The following PPARGC1A variants were observed in gnomAD, a reference collection of about 807,000 sequenced individuals.
PPARGC1A encodes the protein PPARG coactivator 1 alpha.
PPARGC1A carries 25 observed loss-of-function variants against 88.7 expected under a neutral mutation model. That is an observed-to-expected ratio of 0.28 (90% CI 0.21 to 0.39). PPARGC1A has a LOEUF of 0.39. PPARGC1A is among the 10% of genes least tolerant of loss of function. The pLI is 1.00. For missense variants in PPARGC1A, 880 were observed against 968.7 expected (o/e 0.91, Z 1.22); for synonymous variants, 363 against 355.6 (o/e 1.02, Z -0.24).
chr4:24,186,796 C>T, the PPARGC1A span, among the ~76,000 whole-genome samples: 1 of 151,032 alleles, frequency 6.6e-6, no homozygotes, highest in African/African-American at 2.4e-5. Flanking sequence ...CAGGAGAGAA[C>T]AGCTACTTGC....
At chr4:24,200,814 G>C in the PPARGC1A span, among the ~76,000 whole-genome samples, 2 of 152,028 alleles carry the variant, frequency 1.3e-5, no homozygotes, top group Non-Finnish European at 2.9e-5. Flanking sequence ...AATGGCCCAA[G>C]GAATTTCCCT....
chr4:23,956,521 T>G, the PPARGC1A span, among the ~76,000 whole-genome samples: 1 of 152,044 alleles, frequency 6.6e-6, no homozygotes, highest in Non-Finnish European at 1.5e-5. Context: ...CTCCTCCCAT[T>G]CTTGTTTTTC....
chr4:24,306,641 A>C, the PPARGC1A span, among the ~76,000 whole-genome samples: 2 of 152,226 alleles, frequency 1.3e-5, no homozygotes, highest in African/African-American at 4.8e-5. Context: ...CAGCTACTCA[A>C]ATCTACATTG....
chr4:24,398,776 A>T, the PPARGC1A span, among the ~76,000 whole-genome samples: 2 of 152,170 alleles, frequency 1.3e-5, no homozygotes, highest in Non-Finnish European at 1.5e-5. Context: ...CCAGGGGTTA[A>T]TGTGCATTTC....
chr4:24,451,252 C>T, the PPARGC1A span, among the ~76,000 whole-genome samples: 114 of 152,186 alleles, frequency 7.5e-4, no homozygotes, highest in Non-Finnish European at 1.3e-3. Context: ...AGTTCACCAT[C>T]AAATAAGAAT....
At chr4:24,018,076 T>C in the PPARGC1A span, among the ~76,000 whole-genome samples, 2 of 152,122 alleles carry the variant, frequency 1.3e-5, no homozygotes, top group Admixed American at 6.5e-5. Context: ...AAATCTCCAT[T>C]TGTGAAAATA....
At chr4:24,296,954 G>A in the PPARGC1A span, among the ~76,000 whole-genome samples, 1 of 151,932 alleles carries the variant, frequency 6.6e-6, no homozygotes, top group East Asian at 1.9e-4. Flanking sequence ...GCAAATGGAC[G>A]ATGTGCAGAG....
chr4:24,173,851 C>T, the PPARGC1A span, among the ~76,000 whole-genome samples: 1 of 152,146 alleles, frequency 6.6e-6, no homozygotes, highest in East Asian at 1.9e-4. Context: ...CCCATCATTG[C>T]CACTACAGGG....
chr4:24,351,604 A>T, the PPARGC1A span, among the ~76,000 whole-genome samples: 2,029 of 152,262 alleles, frequency 0.013, 27 homozygotes, highest in Middle Eastern at 0.024. Context: ...TTACCAAAAA[A>T]ATTCACAAAA....
the PPARGC1A span, among the ~76,000 whole-genome samples, chr4:24,187,582 C>G: frequency 6.6e-6 from 1 of 152,184 alleles, no homozygotes; most frequent in African/African-American, 2.4e-5. Flanking sequence ...CAGTATCTCC[C>G]TCTAAGAAAG....
At chr4:24,280,301 A>C in the PPARGC1A span, among the ~76,000 whole-genome samples, 1 of 152,212 alleles carries the variant, frequency 6.6e-6, no homozygotes, top group African/African-American at 2.4e-5. Context: ...TGCTATCTAA[A>C]CTTTGTAAAT....
chr4:24,247,169 C>T, the PPARGC1A span, among the ~76,000 whole-genome samples: 5 of 152,154 alleles, frequency 3.3e-5, no homozygotes, highest in Admixed American at 1.3e-4. Context: ...ATCATCAGTT[C>T]TCTAATGCCC....
chr4:23,919,420 C>T, the PPARGC1A span, among the ~76,000 whole-genome samples: 1 of 151,878 alleles, frequency 6.6e-6, no homozygotes, highest in South Asian at 2.1e-4. Context: ...GAGATGGCAA[C>T]ACAAAGTCTC....
the PPARGC1A span, among the ~76,000 whole-genome samples, chr4:24,337,709 A>G: frequency 6.9e-6 from 1 of 144,844 alleles, no homozygotes; most frequent in Non-Finnish European, 1.5e-5. Flanking sequence ...AAAAAAAAAA[A>G]TGAGGTTGAG....
chr4:24,019,287 ATATT>A, the PPARGC1A span, among the ~76,000 whole-genome samples: 2 of 152,216 alleles, frequency 1.3e-5, no homozygotes, highest in Admixed American at 1.3e-4. Flanking sequence ...AGAAATAATT[ATATT>A]TATTGAGGTG....
At chr4:23,959,483 G>T in the PPARGC1A span, among the ~76,000 whole-genome samples, 1 of 152,076 alleles carries the variant, frequency 6.6e-6, no homozygotes, top group South Asian at 2.1e-4. Flanking sequence ...GTGATAATAA[G>T]ATGTAGAAAA....
At chr4:23,957,329 G>A in the PPARGC1A span, among the ~76,000 whole-genome samples, 1 of 152,078 alleles carries the variant, frequency 6.6e-6, no homozygotes, top group Non-Finnish European at 1.5e-5. Context: ...CCCTAGGAAT[G>A]TTGACCTCCC....
chr4:24,339,218 A>G, the PPARGC1A span, among the ~76,000 whole-genome samples: 873 of 37,466 alleles, frequency 0.023, 11 homozygotes, highest in African/African-American at 0.047. Context: ...GTGTGTATAT[A>G]TATATATATA....
upstream of PPARGC1A, among the ~76,000 whole-genome samples, chr4:23,906,631 G>C (rs959041864): frequency 2.1e-5 from 3 of 144,814 alleles, no homozygotes; most frequent in Admixed American, 2.1e-4. Context: ...AAAAAAAGAA[G>C]ATATTTTCCA....
Sources: allele counts gnomAD v4.1 joint callset (sites outside exome capture counted in the v4.1 genomes callset), GRCh38; gene constraint gnomAD v4.1.1; transcripts MANE v1.5; gene names NCBI Gene and HGNC (gene_info 2026-07-23, HGNC 2026-07-21).